The following C8orf34 variants were observed in gnomAD, a reference collection of about 807,000 sequenced individuals.
The protein encoded by C8orf34 is uncharacterized protein C8orf34.
A neutral mutation model predicts 68.3 loss-of-function variants in C8orf34; 65 were observed. The ratio of observed to expected loss-of-function variants is 0.95; its 90% CI spans 0.78 to 1.17. The LOEUF is 1.17. Among genes scored for constraint, C8orf34 ranks in the 50% most tolerant of loss-of-function variants. The probability of loss-of-function intolerance (pLI) is 0.00; values close to 1 mark genes in which losing one functional copy is unlikely to be tolerated. For missense variants in C8orf34, 664 were observed against 655.4 expected (o/e 1.01, Z -0.14); for synonymous variants, 244 against 241.2 (o/e 1.01, Z -0.11).
intron 8 of C8orf34, among the ~76,000 whole-genome samples, chr8:68,683,118 A>C (rs1283283364): frequency 6.6e-6 from 1 of 152,026 alleles, no homozygotes; most frequent in African/African-American, 2.4e-5. Flanking sequence ...GAATTTGAGA[A>C]TCATGAGAAC....
chr8:68,760,842 T>C (rs1386292238), intron 10 of C8orf34, among the ~76,000 whole-genome samples: 1 of 152,050 alleles, frequency 6.6e-6, no homozygotes, highest in Non-Finnish European at 1.5e-5. Context: ...AGTGTGTGAG[T>C]TTAAATCAGC....
intron 8 of C8orf34, among the ~76,000 whole-genome samples, chr8:68,675,140 A>C (rs1318385041): frequency 4.6e-5 from 7 of 152,214 alleles, no homozygotes; most frequent in African/African-American, 1.7e-4. Flanking sequence ...GACCTGTTCC[A>C]CAAGAAATGC....
rs887180796 is a variant in C8orf34 at position 68,546,562 on chromosome 8, A to G, written c.1105+13413A>G. Among the ~76,000 whole-genome samples, 16 of 151,996 alleles carry G rather than the reference A, an allele frequency of 1.1e-4. No individual in the cohort carries two copies. The East Asian group carries it at 2.9e-3, about 28-fold the overall frequency. ...ATGGATATTTAAACATATTTCTCTA[A>G]ATAATTCATAGAAAAGTAGAGAAAA... On this transcript the variant is annotated intron_variant, in intron 7 of 13. Coordinates refer to ENST00000518698, the MANE Select transcript of C8orf34 (RefSeq NM_052958.4).
At chr8:68,471,099 T>C (rs531058820) in intron 4 of C8orf34, among the ~76,000 whole-genome samples, 10 of 152,086 alleles carry the variant, frequency 6.6e-5, no homozygotes, top group African/African-American at 1.4e-4. Context: ...AGAAAAGCTA[T>C]ATGTGACTCC....
intron 8 of C8orf34, among the ~76,000 whole-genome samples, chr8:68,658,661 T>C (rs1472400145): frequency 1.3e-5 from 2 of 152,176 alleles, no homozygotes; most frequent in Non-Finnish European, 2.9e-5. Context: ...TCAATCTATT[T>C]TCCATGTCTC....
intron 1 of C8orf34, among the ~76,000 whole-genome samples, chr8:68,373,191 C>T (rs747981451): frequency 2.0e-5 from 3 of 152,172 alleles, no homozygotes; most frequent in African/African-American, 4.8e-5. Context: ...GACAGGGTTT[C>T]GCTATGTTGG....
chr8:68,458,516 A>G (rs1470444603), intron 3 of C8orf34, among the ~76,000 whole-genome samples: 3 of 152,236 alleles, frequency 2.0e-5, no homozygotes, highest in African/African-American at 7.2e-5. Context: ...AGAGACCTTG[A>G]TAACATATAG....
At position 68,450,818 on chromosome 8, in the gene C8orf34, G is replaced by T. The variant is rs550365463; in HGVS notation, c.607+4358G>T. Reference sequence around the variant, plus strand: ...AATTCTTAAGGTCCCCAGGATTTTTGGAATGGTGAATAAGCATTGACTTCA... The same window carrying T: ...AATTCTTAAGGTCCCCAGGATTTTTTGAATGGTGAATAAGCATTGACTTCA... On this transcript the variant is annotated intron_variant, in intron 3 of 13. Coordinates refer to ENST00000518698, the MANE Select transcript of C8orf34 (RefSeq NM_052958.4). Among the ~76,000 whole-genome samples, 643 of 152,150 alleles carry T rather than the reference G, an allele frequency of 4.2e-3. 5 individuals carry two copies. Among genetic ancestry groups the T allele is most frequent in the African/African-American group, 0.015 (621 of 41,530 alleles).
Position 68,331,548 on chromosome 8 carries a change from G to A in C8orf34, c.327+209G>A, listed in dbSNP as rs543015545. ...CGGGCGGGCACTTAGCCAGTTACCT[G>A]AACGCGGACAGGTGAGCTCGGGAGG... On this transcript the variant is annotated intron_variant, in intron 1 of 13. Transcript: ENST00000518698. 502 of 617,848 alleles carry A rather than the reference G, an allele frequency of 8.1e-4. 7 individuals are homozygous for A. Among genetic ancestry groups the A allele is most frequent in the East Asian group, 6.2e-3 (213 of 34,310 alleles). 38.3% of individuals were successfully genotyped at this position (617,848 alleles called of 1,614,324 possible).
At chr8:68,622,283 A>C in intron 7 of C8orf34, among the ~76,000 whole-genome samples, 1 of 152,210 alleles carries the variant, frequency 6.6e-6, no homozygotes, top group African/African-American at 2.4e-5. Context: ...AATCAACTTG[A>C]CAGCATTCTT....
At chr8:68,744,642 A>AGATGAAATG (rs1273526457) in intron 10 of C8orf34, among the ~76,000 whole-genome samples, 1 of 152,232 alleles carries the variant, frequency 6.6e-6, no homozygotes, top group East Asian at 1.9e-4. Context: ...CAGCGATGGA[A>AGATGAAATG]GATGAAATGA....
intron 8 of C8orf34, among the ~76,000 whole-genome samples, chr8:68,659,235 T>A (rs1819599399): frequency 6.6e-6 from 1 of 152,150 alleles, no homozygotes; most frequent in Non-Finnish European, 1.5e-5. Context: ...CATCCCTGGG[T>A]TTTATAGATA....
At chr8:68,691,711 AG>A (rs1275404072) in intron 8 of C8orf34, among the ~76,000 whole-genome samples, 4 of 152,010 alleles carry the variant, frequency 2.6e-5, no homozygotes, top group Non-Finnish European at 5.9e-5. Flanking sequence ...AATTCTATTT[AG>A]GTTTGTCCTC....
chr8:68,536,070 A>G (rs1815454876), intron 7 of C8orf34, among the ~76,000 whole-genome samples: 1 of 152,092 alleles, frequency 6.6e-6, no homozygotes, highest in African/African-American at 2.4e-5. Flanking sequence ...ATGGAATGAC[A>G]AGTTACAATG....
chr8:68,468,652 TG>T, intron 3 of C8orf34, 39 bp from the exon 4 acceptor site: 2 of 1,600,246 alleles, frequency 1.2e-6, no homozygotes, highest in Non-Finnish European at 1.7e-6. Context: ...TGTGTCATTA[TG>T]TAGCATGCTT....
At chr8:68,652,170 C>T (rs1226031343) in intron 8 of C8orf34, among the ~76,000 whole-genome samples, 1 of 152,214 alleles carries the variant, frequency 6.6e-6, no homozygotes, top group East Asian at 1.9e-4. Flanking sequence ...GTACTCCATG[C>T]CTATTCCTTA....
At chr8:68,750,410 C>T (rs766168604) in intron 10 of C8orf34, among the ~76,000 whole-genome samples, 8 of 152,006 alleles carry the variant, frequency 5.3e-5, no homozygotes, top group East Asian at 1.9e-4. Flanking sequence ...GGCTAATTCA[C>T]GGAGACAGAA....
intron 7 of C8orf34, among the ~76,000 whole-genome samples, chr8:68,589,635 A>G (rs1817318381): frequency 6.8e-6 from 1 of 145,994 alleles, no homozygotes; most frequent in African/African-American, 2.6e-5. Context: ...AAGAAGGAGG[A>G]GAGAAGAAGA....
chr8:68,547,333 GA>G (rs2130007090), intron 7 of C8orf34, among the ~76,000 whole-genome samples: 1 of 151,830 alleles, frequency 6.6e-6, no homozygotes, highest in South Asian at 2.1e-4. Context: ...TGTAAAACAA[GA>G]AGAAAAGTAT....
Sources: allele counts gnomAD v4.1 joint callset (sites outside exome capture counted in the v4.1 genomes callset), GRCh38; gene constraint gnomAD v4.1.1; transcripts MANE v1.5; gene names NCBI Gene and HGNC (gene_info 2026-07-23, HGNC 2026-07-21).